Variants in RNF216 observed in about 807,000 individuals in gnomAD.
RNF216 encodes the protein ring finger protein 216.
Under a neutral mutation model 110.8 loss-of-function variants are expected in RNF216, and 72 were observed. The observed-to-expected ratio is 0.65, with a 90% CI of 0.54 to 0.79. RNF216 has a LOEUF of 0.79. Ranked by LOEUF, RNF216 falls within the 30% of genes least tolerant of loss-of-function variation. The pLI, the probability that RNF216 is intolerant of heterozygous loss-of-function variation, is 0.00. For synonymous variants in RNF216, 495 were observed against 407.5 expected (o/e 1.21, Z -2.59); for missense variants, 1,342 against 1,141.2 (o/e 1.18, Z -2.54).
chr7:5,672,893 C>A (rs755504353), intron 13 of RNF216, among the ~76,000 whole-genome samples: 5 of 152,138 alleles, frequency 3.3e-5, no homozygotes, highest in Admixed American at 1.3e-4. Context: ...AGGAGCCCTA[C>A]TGGATTCTAT....
In RNF216 at chr7:5,623,096, G is replaced by A; in HGVS notation, c.2536C>T (p.Pro846Ser). 1 of 1,610,818 alleles carries A rather than the reference G, an allele frequency of 6.2e-7. No individual in the cohort carries two copies. The highest frequency in any genetic ancestry group is 8.5e-7 in the Non-Finnish European group (1 of 1,177,420). The change falls in exon 17 of 17, where the codon CCG becomes TCG. Residue 846 changes from proline to serine, a missense_variant. Physicochemically the swap from Pro to Ser is moderately conservative, Grantham distance 74 (BLOSUM62 -1). Transcript: ENST00000389902. ...ATCTGTGGCTGTGGCAGGTTCTGCG[G>A]AACGGGCCTCGGGAGGGCCTCCACC... ...QRVEALPRPV[P>S]QNLPQPQMPP...
Position 5,735,538 on chromosome 7 carries a change from CGGTAGATG to C in RNF216, c.1121+3730_1121+3737del, listed in dbSNP as rs540811057. Among the ~76,000 whole-genome samples the C allele has an allele frequency of 5.1e-3, 778 of 152,180 alleles. 5 individuals are homozygous for C. The highest frequency in any genetic ancestry group is 0.018 in the African/African-American group (736 of 41,514). On this transcript the variant is annotated intron_variant, in intron 5 of 16. Coordinates refer to ENST00000389902, the MANE Select transcript of RNF216 (RefSeq NM_207111.4). ...ATTTCATAACTGAAAACCAGTAACA[CGGTAGATG>C]AGTTAAAAGGAGATTACACTCTACT...
chr7:5,621,023 G>A lies in RNF216; in HGVS notation c.*1837C>T, dbSNP rs1264501987. 6.6e-6 allele frequency: 1 copy of A among 152,276 alleles called. No homozygotes were observed. Among genetic ancestry groups the A allele is most frequent in the Non-Finnish European group, 1.5e-5 (1 of 68,072 alleles). The allele number at this position is 152,276 out of a possible 1,614,324, so 9.4% of individuals were successfully genotyped here. On this transcript the variant is annotated 3_prime_UTR_variant, in exon 17 of 17. Transcript: ENST00000389902. The stretch of plus-strand genomic sequence containing the variant: ...CGTTCAGGCTAGTAGCAAAGTTCAG[G>A]CAGTCCAACAGGTATGGGCGCCAGC...
intron 12 of RNF216, 42 bp downstream of exon 12, chr7:5,712,673 G>A: frequency 6.2e-7 from 1 of 1,608,884 alleles, no homozygotes; most frequent in Non-Finnish European, 8.5e-7. Flanking sequence ...TTTTCACAAT[G>A]GGGAAGAGTT....
intron 13 of RNF216, among the ~76,000 whole-genome samples, chr7:5,691,424 C>T (rs1160229775): frequency 3.4e-5 from 5 of 149,052 alleles, no homozygotes; most frequent in Admixed American, 2.0e-4. Context: ...AGAGCAGGAA[C>T]AGATGAATGC....
rs930170019 is a variant in RNF216, at chr7:5,621,370, C to CA, written c.*1489dup. 3 of 152,176 alleles carry CA rather than the reference C, an allele frequency of 2.0e-5. No homozygotes were observed. Among genetic ancestry groups the CA allele is most frequent in the African/African-American group, 7.2e-5 (3 of 41,434 alleles). 9.4% of individuals were successfully genotyped at this position (152,176 alleles called of 1,614,324 possible). Reference sequence around the variant, plus strand: ...TGTATTTTTAGTAGAGACGGGGACTCAAACTCCCGACCTCAACTCATCCGC... The same window carrying CA: ...TGTATTTTTAGTAGAGACGGGGACTCAAAACTCCCGACCTCAACTCATCCGC... On this transcript the variant is annotated 3_prime_UTR_variant, in exon 17 of 17. Transcript: ENST00000389902.
At chr7:5,777,093 G>C (rs762711660) in intron 1 of RNF216, among the ~76,000 whole-genome samples, 1 of 152,126 alleles carries the variant, frequency 6.6e-6, no homozygotes, top group Non-Finnish European at 1.5e-5. Flanking sequence ...AGAAAGACCT[G>C]ACACTACACG....
At chr7:5,670,693 T>A (rs1000196310) in intron 13 of RNF216, among the ~76,000 whole-genome samples, 1 of 152,138 alleles carries the variant, frequency 6.6e-6, no homozygotes, top group African/African-American at 2.4e-5. Flanking sequence ...AAAGTACAGC[T>A]AAGGTGGTGT....
At chr7:5,744,687 T>C (rs1467805784) in intron 3 of RNF216, among the ~76,000 whole-genome samples, 2 of 152,044 alleles carry the variant, frequency 1.3e-5, no homozygotes, top group Non-Finnish European at 2.9e-5. Flanking sequence ...AAAGAAAACT[T>C]CTGGCTAGGC....
chr7:5,779,186 TACC>T (rs1237114687), intron 1 of RNF216, among the ~76,000 whole-genome samples: 1 of 152,190 alleles, frequency 6.6e-6, no homozygotes, highest in Non-Finnish European at 1.5e-5. Flanking sequence ...AATCAGCAAA[TACC>T]AGCTCTCTCA....
At chr7:5,698,778 T>C (rs1197926612) in intron 13 of RNF216, among the ~76,000 whole-genome samples, 2 of 152,214 alleles carry the variant, frequency 1.3e-5, no homozygotes, top group Non-Finnish European at 2.9e-5. Flanking sequence ...TAGAAGAATC[T>C]TGTGCAGAGA....
chr7:5,648,496 C>T (rs1357456569), intron 14 of RNF216, among the ~76,000 whole-genome samples: 1 of 151,256 alleles, frequency 6.6e-6, no homozygotes, highest in Non-Finnish European at 1.5e-5. Flanking sequence ...GAGGCCAAGG[C>T]AGGCGGATCA....
chr7:5,636,834 C>T (rs1787425358), intron 15 of RNF216, among the ~76,000 whole-genome samples: 1 of 152,024 alleles, frequency 6.6e-6, no homozygotes, highest in African/African-American at 2.4e-5. Context: ...GATGACGATC[C>T]AACAAGAAAA....
intron 13 of RNF216, among the ~76,000 whole-genome samples, chr7:5,674,049 C>A (rs1165326125): frequency 6.7e-6 from 1 of 148,324 alleles, no homozygotes; most frequent in Non-Finnish European, 1.5e-5. Flanking sequence ...TTTTTTTTTA[C>A]GACGGAGTCT....
At chr7:5,670,980 G>C (rs1423168371) in intron 13 of RNF216, among the ~76,000 whole-genome samples, 1 of 152,120 alleles carries the variant, frequency 6.6e-6, no homozygotes, top group East Asian at 1.9e-4. Context: ...GAACTGCTTG[G>C]TTCCGGGGGA....
At chr7:5,766,871 G>C (rs1349786166) in intron 1 of RNF216, 1 of 152,206 alleles carries the variant, frequency 6.6e-6, no homozygotes, top group African/African-American at 2.4e-5. Context: ...GGGTGCGTGT[G>C]TATGTTTAGA....
At chr7:5,672,436 C>G (rs902544209) in intron 13 of RNF216, among the ~76,000 whole-genome samples, 7 of 152,110 alleles carry the variant, frequency 4.6e-5, no homozygotes, top group African/African-American at 1.4e-4. Context: ...GTGAAGCAAC[C>G]AGACTTTAGA....
intron 13 of RNF216, among the ~76,000 whole-genome samples, chr7:5,708,633 T>C (rs957198697): frequency 1.2e-4 from 19 of 152,242 alleles, no homozygotes; most frequent in Admixed American, 8.5e-4. Context: ...TAGGCTAATA[T>C]AAGTGCTCAG....
At chr7:5,717,851 C>T (rs1317892003) in intron 9 of RNF216, among the ~76,000 whole-genome samples, 1 of 151,936 alleles carries the variant, frequency 6.6e-6, no homozygotes, top group East Asian at 1.9e-4. Context: ...GGTGCAATCT[C>T]AGCTCACTGC....
Sources: gnomAD v4.1 joint callset for allele counts (sites outside exome capture counted in the v4.1 genomes callset) on GRCh38, gnomAD v4.1.1 for gene constraint, MANE v1.5 for transcripts, NCBI Gene and HGNC (gene_info 2026-07-23, HGNC 2026-07-21) for gene names.